NOP58: variants seen among roughly 807,000 people sequenced by gnomAD.
NOP58 encodes NOP58 ribonucleoprotein.
In NOP58, 44 loss-of-function variants were observed where a neutral mutation model predicts 71.2. The observed-to-expected ratio is 0.62, with a 90% CI of 0.49 to 0.79. NOP58 has a LOEUF of 0.79. Among genes scored for constraint, NOP58 ranks in the 30% least tolerant of loss-of-function variants. The pLI is 0.00. For synonymous variants in NOP58, 228 were observed against 200.3 expected, an observed-to-expected ratio of 1.14 and a Z score of -1.17; for missense variants, 538 against 620.2, an observed-to-expected ratio of 0.87 and a Z score of 1.41.
intron 1 of NOP58, among the ~76,000 whole-genome samples, chr2:202,266,805 G>C (rs1688424865): frequency 6.6e-6 from 1 of 152,214 alleles, no homozygotes; most frequent in Non-Finnish European, 1.5e-5. Context: ...AGAACAGGAA[G>C]GACTGGCTAA....
At chr2:202,278,677 A>G (rs1348143891) in intron 3 of NOP58, among the ~76,000 whole-genome samples, 2 of 152,204 alleles carry the variant, frequency 1.3e-5, no homozygotes, top group East Asian at 1.9e-4. Flanking sequence ...AGCCCAAATC[A>G]TTAAATTTTC....
intron 2 of NOP58, among the ~76,000 whole-genome samples, chr2:202,277,721 C>G (rs998086212): frequency 6.6e-6 from 1 of 152,104 alleles, no homozygotes; most frequent in African/African-American, 2.4e-5. Context: ...AAAATTTCCT[C>G]CAAAGCCTAC....
At chr2:202,284,547 C>T (rs1688759855) in intron 5 of NOP58, 66 bp downstream of exon 5, 2 of 1,504,470 alleles carry the variant, frequency 1.3e-6, no homozygotes, top group Non-Finnish European at 9.1e-7. Flanking sequence ...TAGATCTGTT[C>T]TAAGAATGTT....
At chr2:202,273,042 G>C (rs951917690) in intron 1 of NOP58, among the ~76,000 whole-genome samples, 2 of 152,110 alleles carry the variant, frequency 1.3e-5, no homozygotes, top group African/African-American at 4.8e-5. Flanking sequence ...GGAGAATGAC[G>C]TGAACCCAGG....
At chr2:202,289,591 C>T (rs1370764058) in intron 6 of NOP58, among the ~76,000 whole-genome samples, 1 of 152,112 alleles carries the variant, frequency 6.6e-6, no homozygotes, top group Non-Finnish European at 1.5e-5. Context: ...TTTTGGGTAA[C>T]GTACACCCAG....
At position 202,290,327 on chromosome 2, in the gene NOP58, G is replaced by A. The variant is rs1688865896; in HGVS notation, c.504G>A (p.Leu168=). The stretch of plus-strand genomic sequence containing the variant: ...TTTGTTTTTAATCTACTACAGCCTT[G>A]TTAGATGACTTGGATAAAGAACTAA... ...VDTMIVQAIS[L]LDDLDKELNN... The change falls in exon 7 of 15, where the codon TTG becomes TTA. Residue 168 remains leucine, a synonymous_variant. Transcript: ENST00000264279. 2 of 1,600,594 alleles carry A rather than the reference G, an allele frequency of 1.2e-6. No homozygotes were observed. The highest frequency in any genetic ancestry group is 1.7e-6 in the Non-Finnish European group (2 of 1,173,102).
intron 1 of NOP58, among the ~76,000 whole-genome samples, chr2:202,270,053 G>A (rs1311051794): frequency 1.3e-5 from 2 of 152,152 alleles, no homozygotes; most frequent in African/African-American, 4.8e-5. Context: ...TAAAACCTAA[G>A]TACTGAGCAA....
intron 9 of NOP58, 60 bp from the exon 10 acceptor site, chr2:202,295,614 C>A: frequency 8.3e-7 from 1 of 1,198,598 alleles, no homozygotes. Context: ...TCTTTTGTTT[C>A]AGTACGTGGA....
intron 6 of NOP58, 85 bp from the exon 7 acceptor site, chr2:202,290,238 C>A: frequency 8.7e-7 from 1 of 1,154,664 alleles, no homozygotes; most frequent in Non-Finnish European, 1.2e-6. Context: ...CCGTGCCCAG[C>A]CTGAAGTGTT....
chr2:202,265,852 T>C lies in NOP58; in HGVS notation c.-90T>C. The C allele has an allele frequency of 1.3e-6, 2 of 1,492,230 alleles. No individual in the cohort carries two copies. The highest frequency in any genetic ancestry group is 1.9e-6 in the Non-Finnish European group (2 of 1,073,282). The allele number at this position is 1,492,230 out of a possible 1,614,324, so 92.4% of individuals were successfully genotyped here. On this transcript the variant is annotated 5_prime_UTR_variant, in exon 1 of 15. Transcript: ENST00000264279. ...CATTTGTGCTTTGCCCGCCGCGGCCTAGGAGGCCTTTTGAGGCCGCGTAGT... is the reference window on the plus strand; with the variant it reads ...CATTTGTGCTTTGCCCGCCGCGGCCCAGGAGGCCTTTTGAGGCCGCGTAGT...
At chr2:202,294,979 AT>A (rs1237359856) in intron 9 of NOP58, among the ~76,000 whole-genome samples, 18 of 151,806 alleles carry the variant, frequency 1.2e-4, no homozygotes, top group African/African-American at 4.4e-4. Context: ...AAAAAAAAAA[AT>A]GCAAGCATAA....
Position 202,291,245 on chromosome 2 carries a change from G to A in NOP58, c.755G>A (p.Cys252Tyr), listed in dbSNP as rs1032540121. Residue 252 changes from cysteine to tyrosine, a missense_variant, in exon 8 of 15, where the codon TGC becomes TAC. Cys to Tyr is a radical substitution (Grantham distance 194, BLOSUM62 -2). Coordinates refer to ENST00000264279, the MANE Select transcript of NOP58 (RefSeq NM_015934.5). ...MGTEVSEEDI[C>Y]NILHLCTQVI... ...ACAGAGGTTTCAGAAGAAGATATTT[G>A]CAATATTCTGCATCTTTGCACCCAG... 3 of 1,609,246 alleles carry A rather than the reference G, an allele frequency of 1.9e-6. No homozygotes were observed. In the African/African-American group the frequency reaches 4.0e-5, roughly 22 times the overall value.
chr2:202,297,927 A>T (rs1266952310), intron 12 of NOP58, 21 bp downstream of exon 12: 14 of 1,441,488 alleles, frequency 9.7e-6, no homozygotes, highest in Non-Finnish European at 1.3e-5. Context: ...TTAAGTGAGG[A>T]TGGGGTGAAT....
chr2:202,297,718 C>A, intron 11 of NOP58, 127 bp from the exon 12 acceptor site: 2 of 802,596 alleles, frequency 2.5e-6, no homozygotes, highest in South Asian at 2.0e-5. Context: ...ATATGCTATT[C>A]AAAATAACAA....
chr2:202,297,459 A>G lies in NOP58; in HGVS notation c.1152A>G (p.Gly384=). ...GTGAGGATTCAAGTTCTGCAATGGG[A>G]GTTGAGAACAGAGCCAAATTAGAGG... ...AFGEDSSSAM[G]VENRAKLEAR... is the part of the protein sequence containing the mutation. The change falls in exon 11 of 15, where the codon GGA becomes GGG. Residue 384 remains glycine, a synonymous_variant. Coordinates refer to ENST00000264279, the MANE Select transcript of NOP58 (RefSeq NM_015934.5). 1 of 1,614,020 alleles carries G rather than the reference A, an allele frequency of 6.2e-7. No individual in the cohort carries two copies.
chr2:202,291,080 T>G, intron 7 of NOP58, 45 bp from the exon 8 acceptor site: 1 of 1,489,878 alleles, frequency 6.7e-7, no homozygotes, highest in East Asian at 2.4e-5. Flanking sequence ...TTTATATAAT[T>G]TGTTGAAGAG....
intron 6 of NOP58, among the ~76,000 whole-genome samples, chr2:202,288,485 T>TAAAA (rs369945744): frequency 8.7e-6 from 1 of 115,130 alleles, no homozygotes; most frequent in Non-Finnish European, 1.9e-5. Context: ...TCCATCTCAC[T>TAAAA]AAAAAAAAAA....
chr2:202,281,232 T>C (rs897673369), intron 3 of NOP58, among the ~76,000 whole-genome samples: 2 of 151,818 alleles, frequency 1.3e-5, no homozygotes, highest in Non-Finnish European at 2.9e-5. Flanking sequence ...GTTCAAGCGA[T>C]TCTCCTACCT....
At position 202,274,820 on chromosome 2, in the gene NOP58, C is replaced by T. The variant is rs184142011; in HGVS notation, c.46-293C>T. 8.5e-5 allele frequency among the ~76,000 whole-genome samples: 13 copies of T among 152,188 alleles called. No individual in the cohort carries two copies. In the East Asian group the frequency reaches 1.9e-3, roughly 23 times the overall value. On this transcript the variant is annotated intron_variant, in intron 1 of 14. Coordinates refer to ENST00000264279, the MANE Select transcript of NOP58 (RefSeq NM_015934.5). The stretch of plus-strand genomic sequence containing the variant: ...CCCTAGGACCCCATAGCTCCAGCTA[C>T]GGCCCAAGGCTGGGGCAGGAATATC...
Sources: gnomAD v4.1 joint callset for allele counts (sites outside exome capture counted in the v4.1 genomes callset) on GRCh38, gnomAD v4.1.1 for gene constraint, MANE v1.5 for transcripts, NCBI Gene and HGNC (gene_info 2026-07-23, HGNC 2026-07-21) for gene names.